NUBPL: variants seen among roughly 807,000 people sequenced by gnomAD.
NUBPL encodes NUBP iron-sulfur cluster assembly factor, mitochondrial, also known as iron-sulfur cluster transfer protein NUBPL.
A neutral mutation model predicts 45.7 loss-of-function variants in NUBPL; 31 were observed. That is an observed-to-expected ratio of 0.68 (90% confidence interval 0.51 to 0.92). The LOEUF is 0.92. Among genes scored for constraint, NUBPL ranks in the 40% least tolerant of loss-of-function variants. The pLI is 0.00. For missense variants in NUBPL, 401 were observed against 398.7 expected (o/e 1.01, Z -0.05); for synonymous variants, 144 against 140.9 (o/e 1.02, Z -0.15).
intron 6 of NUBPL, among the ~76,000 whole-genome samples, chr14:31,754,990 T>A (rs1348300070): frequency 1.3e-5 from 2 of 151,662 alleles, no homozygotes; most frequent in African/African-American, 2.4e-5. Context: ...AAAATGATGA[T>A]TTCCAATTTC....
intron 6 of NUBPL, among the ~76,000 whole-genome samples, chr14:31,704,012 A>T (rs1349766410): frequency 6.6e-6 from 1 of 152,294 alleles, no homozygotes; most frequent in South Asian, 2.1e-4. Flanking sequence ...TGCCTTGCTC[A>T]TGCCGGTCTA....
At chr14:31,696,265 T>G (rs1280293548) in intron 6 of NUBPL, among the ~76,000 whole-genome samples, 2 of 152,220 alleles carry the variant, frequency 1.3e-5, no homozygotes, top group Non-Finnish European at 2.9e-5. Context: ...GGGTCAACTC[T>G]AGTTCTGTCA....
chr14:31,642,506 AT>A (rs1284050590), intron 4 of NUBPL, among the ~76,000 whole-genome samples: 1 of 151,572 alleles, frequency 6.6e-6, no homozygotes, highest in African/African-American at 2.4e-5. Context: ...ATGAGTGTGG[AT>A]TTATTTATGT....
chr14:31,695,696 A>C (rs1488213578), intron 6 of NUBPL, among the ~76,000 whole-genome samples: 2 of 152,216 alleles, frequency 1.3e-5, no homozygotes, highest in Admixed American at 1.3e-4. Context: ...TGCAGCACAA[A>C]GGCCCTCACA....
At chr14:31,793,970 A>T (rs1328402994) in intron 7 of NUBPL, among the ~76,000 whole-genome samples, 2 of 97,974 alleles carry the variant, frequency 2.0e-5, no homozygotes, top group Non-Finnish European at 3.8e-5. Context: ...TATGAGTGAG[A>T]ATATGCGGTG....
chr14:31,659,778 A>G (rs2036224772), intron 4 of NUBPL, among the ~76,000 whole-genome samples: 1 of 152,184 alleles, frequency 6.6e-6, no homozygotes, highest in Non-Finnish European at 1.5e-5. Context: ...TGAAGTTCTC[A>G]ATGTGATCTA....
At chr14:31,660,965 T>TG (rs1450032676) in intron 4 of NUBPL, among the ~76,000 whole-genome samples, 1 of 152,244 alleles carries the variant, frequency 6.6e-6, no homozygotes, top group African/African-American at 2.4e-5. Flanking sequence ...GTAAAGCAGC[T>TG]GTTCTTGTGC....
intron 6 of NUBPL, among the ~76,000 whole-genome samples, chr14:31,680,208 C>T (rs2036797315): frequency 6.6e-6 from 1 of 152,018 alleles, no homozygotes; most frequent in African/African-American, 2.4e-5. Flanking sequence ...CTTTTCAATC[C>T]ATTCCTTAAA....
chr14:31,665,164 C>T (rs542565572), intron 4 of NUBPL, among the ~76,000 whole-genome samples: 1 of 151,836 alleles, frequency 6.6e-6, no homozygotes, highest in Non-Finnish European at 1.5e-5. Context: ...TTAATCTTTT[C>T]AAAAAAACCA....
intron 4 of NUBPL, among the ~76,000 whole-genome samples, chr14:31,622,755 A>G (rs2035099274): frequency 6.6e-6 from 1 of 152,218 alleles, no homozygotes; most frequent in South Asian, 2.1e-4. Flanking sequence ...ATTTCAGAGG[A>G]TGTATGGAAA....
Position 31,832,855 on chromosome 14 carries a change from A to C in NUBPL, c.693+6141A>C, listed in dbSNP as rs113104308. On this transcript the variant is annotated intron_variant, in intron 8 of 10. Coordinates refer to ENST00000281081, the MANE Select transcript of NUBPL (RefSeq NM_025152.3). Reference sequence around the variant, plus strand: ...TAGTTTTCTCAATCATCATATGGGAATCATAGTAATATTTTCCTCAGGAGG... The same window carrying C: ...TAGTTTTCTCAATCATCATATGGGACTCATAGTAATATTTTCCTCAGGAGG... Among the ~76,000 whole-genome samples the C allele has an allele frequency of 7.8e-3, 1,194 of 152,272 alleles. 16 individuals carry two copies. The highest frequency in any genetic ancestry group is 0.027 in the African/African-American group (1,112 of 41,554).
chr14:31,726,179 G>C (rs1595548930), intron 6 of NUBPL, among the ~76,000 whole-genome samples: 1 of 152,174 alleles, frequency 6.6e-6, no homozygotes, highest in East Asian at 1.9e-4. Flanking sequence ...ATGGCCTAAA[G>C]TCATATAGAA....
chr14:31,773,658 G>A (rs2039049153), intron 6 of NUBPL, among the ~76,000 whole-genome samples: 1 of 152,166 alleles, frequency 6.6e-6, no homozygotes, highest in Non-Finnish European at 1.5e-5. Context: ...TTCATGCTCT[G>A]GGATTCTGAG....
intron 6 of NUBPL, among the ~76,000 whole-genome samples, chr14:31,757,105 G>T (rs1007311471): frequency 9.2e-5 from 14 of 151,442 alleles, no homozygotes; most frequent in African/African-American, 3.1e-4. Flanking sequence ...CGGTTTGCCA[G>T]TATTTTATTG....
chr14:31,834,868 G>A (rs1003825422), intron 8 of NUBPL, among the ~76,000 whole-genome samples: 1 of 152,190 alleles, frequency 6.6e-6, no homozygotes, highest in Non-Finnish European at 1.5e-5. Context: ...GCTTTCCAGA[G>A]CCCGTATTCT....
At chr14:31,653,691 A>G (rs1383556592) in intron 4 of NUBPL, among the ~76,000 whole-genome samples, 1 of 152,224 alleles carries the variant, frequency 6.6e-6, no homozygotes, top group Admixed American at 6.5e-5. Flanking sequence ...GGTGACGTAC[A>G]TCCTCAGCTT....
In NUBPL at chr14:31,762,362, G is replaced by A. The variant is rs373969500; in HGVS notation, c.514-25418G>A. 3.1e-4 allele frequency among the ~76,000 whole-genome samples: 47 copies of A among 152,284 alleles called. No individual in the cohort carries two copies. The East Asian group carries it at 4.0e-3, about 13-fold the overall frequency. On this transcript the variant is annotated intron_variant, in intron 6 of 10. Coordinates refer to ENST00000281081, the MANE Select transcript of NUBPL (RefSeq NM_025152.3). ...GAAAAGCTTAGGATGAGTAGTTTTT[G>A]AAGGACATCAAATACCTTACTTGTA...
rs183074776 is a variant in NUBPL, at chr14:31,802,598, C to T, written c.607+14725C>T. On this transcript the variant is annotated intron_variant, in intron 7 of 10. Transcript: ENST00000281081. Reference sequence around the variant, plus strand: ...GCCGCCCTTCTTTTCTACACAATGTCATGACGTAGTGGGAAGGCTCTCCCC... The same window carrying T: ...GCCGCCCTTCTTTTCTACACAATGTTATGACGTAGTGGGAAGGCTCTCCCC... Among the ~76,000 whole-genome samples the T allele has an allele frequency of 8.5e-5, 13 of 152,282 alleles. No homozygotes were observed. In the East Asian group the frequency reaches 2.5e-3, roughly 29 times the overall value.
intron 7 of NUBPL, among the ~76,000 whole-genome samples, chr14:31,814,542 A>G (rs963560915): frequency 1.3e-5 from 2 of 151,184 alleles, no homozygotes; most frequent in African/African-American, 4.9e-5. Context: ...GTTTAACTCC[A>G]TCCCATTTGT....
Sources: gnomAD v4.1 joint callset for allele counts (sites outside exome capture counted in the v4.1 genomes callset) on GRCh38, gnomAD v4.1.1 for gene constraint, MANE v1.5 for transcripts, NCBI Gene and HGNC (gene_info 2026-07-23, HGNC 2026-07-21) for gene names.